ROBO2: variants seen among roughly 807,000 people sequenced by gnomAD.
The protein encoded by ROBO2 is roundabout homolog 2.
Under a neutral mutation model 160.8 loss-of-function variants are expected in ROBO2, and 53 were observed. That is an observed-to-expected ratio of 0.33 (90% CI 0.26 to 0.41). The LOEUF is 0.41. Ranked by LOEUF, ROBO2 falls within the 10% of genes least tolerant of loss-of-function variation. ROBO2 has a pLI of 1.00. For missense variants in ROBO2, 1,577 were observed against 1,722.4 expected (o/e 0.92, Z 1.49); for synonymous variants, 664 against 611.7 (o/e 1.09, Z -1.26).
At chr3:77,233,316 C>T (rs959665404) in intron 2 of ROBO2, among the ~76,000 whole-genome samples, 1 of 152,066 alleles carries the variant, frequency 6.6e-6, no homozygotes, top group Admixed American at 6.6e-5. Flanking sequence ...TCCTTGCCCC[C>T]CCCTCCACTT....
intron 2 of ROBO2, among the ~76,000 whole-genome samples, chr3:76,769,611 G>GT (rs1283652442): frequency 3.3e-5 from 5 of 151,404 alleles, no homozygotes; most frequent in African/African-American, 1.2e-4. Flanking sequence ...GCAATCATTT[G>GT]TGGTTATGCT....
chr3:77,576,144 C>A (rs759977484), intron 14 of ROBO2, among the ~76,000 whole-genome samples: 4 of 152,104 alleles, frequency 2.6e-5, no homozygotes, highest in Non-Finnish European at 5.9e-5. Context: ...TTAATAACTA[C>A]AAGGCTCGTA....
intron 2 of ROBO2, among the ~76,000 whole-genome samples, chr3:76,007,707 A>G (rs1279748225): frequency 1.3e-5 from 2 of 152,190 alleles, no homozygotes; most frequent in African/African-American, 4.8e-5. Flanking sequence ...AAAAATGAGC[A>G]TATTTAATGG....
At chr3:75,985,678 T>A (rs1260238778) in intron 2 of ROBO2, among the ~76,000 whole-genome samples, 4 of 151,576 alleles carry the variant, frequency 2.6e-5, no homozygotes, top group African/African-American at 9.7e-5. Context: ...TCTCCAGAGC[T>A]CTTTAGTCTT....
intron 5 of ROBO2, among the ~76,000 whole-genome samples, chr3:77,512,216 A>C (rs2089482219): frequency 6.6e-6 from 1 of 151,986 alleles, no homozygotes; most frequent in Admixed American, 6.6e-5. Flanking sequence ...TTAAGAAAGC[A>C]TCATATGGAA....
intron 2 of ROBO2, among the ~76,000 whole-genome samples, chr3:76,605,485 G>C (rs985732845): frequency 6.6e-5 from 10 of 152,094 alleles, no homozygotes; most frequent in Non-Finnish European, 1.3e-4. Context: ...ACTAACAATT[G>C]TTCATGTGAA....
At chr3:76,871,546 T>A in intron 2 of ROBO2, among the ~76,000 whole-genome samples, 1 of 129,510 alleles carries the variant, frequency 7.7e-6, no homozygotes. Flanking sequence ...AGAGCGAGAC[T>A]CCGTCTCAAA....
intron 2 of ROBO2, among the ~76,000 whole-genome samples, chr3:76,006,588 C>A (rs1000901928): frequency 6.6e-6 from 1 of 152,060 alleles, no homozygotes; most frequent in African/African-American, 2.4e-5. Flanking sequence ...TAGTTTATTA[C>A]ATCTGTGACT....
At chr3:77,502,481 A>G (rs563025628) in intron 5 of ROBO2, among the ~76,000 whole-genome samples, 5 of 152,152 alleles carry the variant, frequency 3.3e-5, no homozygotes, top group Non-Finnish European at 5.9e-5. Flanking sequence ...TTCTCATGGA[A>G]TGTTTTAACT....
chr3:76,820,290 T>C (rs768470653), intron 2 of ROBO2, among the ~76,000 whole-genome samples: 12 of 152,054 alleles, frequency 7.9e-5, no homozygotes, highest in Non-Finnish European at 1.0e-4. Flanking sequence ...AGGATACAAC[T>C]TATAAAATTC....
exon 19 of ROBO2, chr3:77,596,652 C>A: frequency 6.2e-7 from 1 of 1,613,932 alleles, no homozygotes; most frequent in South Asian, 1.1e-5. Flanking sequence ...GCTGGTGATC[C>A]CAGCTATCCA....
chr3:76,216,861 T>C (rs1002696051), intron 2 of ROBO2, among the ~76,000 whole-genome samples: 3 of 152,172 alleles, frequency 2.0e-5, no homozygotes, highest in Non-Finnish European at 4.4e-5. Context: ...ATATAAATTC[T>C]TTTCAGCACC....
At chr3:76,161,800 C>G (rs1398559112) in intron 2 of ROBO2, among the ~76,000 whole-genome samples, 1 of 152,182 alleles carries the variant, frequency 6.6e-6, no homozygotes, top group Non-Finnish European at 1.5e-5. Flanking sequence ...TTACCTGCCT[C>G]TGTCTCTCCT....
At chr3:76,860,326 G>C (rs958342662) in intron 2 of ROBO2, among the ~76,000 whole-genome samples, 1 of 152,098 alleles carries the variant, frequency 6.6e-6, no homozygotes, top group East Asian at 1.9e-4. Flanking sequence ...CACAAAAAAT[G>C]TTTTCGTAGG....
chr3:76,081,860 A>C (rs939079052), intron 2 of ROBO2, among the ~76,000 whole-genome samples: 2 of 151,790 alleles, frequency 1.3e-5, no homozygotes, highest in African/African-American at 2.4e-5. Context: ...ACACACACAC[A>C]CCAGAAAAAC....
At chr3:76,488,314 T>G (rs539666748) in intron 2 of ROBO2, among the ~76,000 whole-genome samples, 20 of 152,284 alleles carry the variant, frequency 1.3e-4, no homozygotes, top group African/African-American at 3.8e-4. Context: ...CCACGCCCAT[T>G]AAGAACATTG....
intron 2 of ROBO2, among the ~76,000 whole-genome samples, chr3:76,132,400 G>GC (rs1553653782): frequency 7.5e-6 from 1 of 132,736 alleles, no homozygotes; most frequent in Admixed American, 7.5e-5. Flanking sequence ...CTGTTGGGGG[G>GC]GGGGGGGGAC....
At chr3:77,094,894 A>G (rs1400832155) in intron 1 of ROBO2, among the ~76,000 whole-genome samples, 1 of 152,064 alleles carries the variant, frequency 6.6e-6, no homozygotes, top group Non-Finnish European at 1.5e-5. Flanking sequence ...GATTATTTAT[A>G]TTTTTATTGA....
At chr3:76,198,375 A>G (rs181278773) in intron 2 of ROBO2, among the ~76,000 whole-genome samples, 2 of 152,302 alleles carry the variant, frequency 1.3e-5, no homozygotes, top group Admixed American at 1.3e-4. Flanking sequence ...AAGACTGACA[A>G]AATAGACTCT....
Sources: gnomAD v4.1 joint callset for allele counts (sites outside exome capture counted in the v4.1 genomes callset) on GRCh38, gnomAD v4.1.1 for gene constraint, MANE v1.5 for transcripts, NCBI Gene and HGNC (gene_info 2026-07-23, HGNC 2026-07-21) for gene names.